The following RECK variants were observed in gnomAD, a reference collection of about 807,000 sequenced individuals.
RECK encodes reversion inducing cysteine rich protein with kazal motifs, also known as reversion-inducing cysteine-rich protein with Kazal motifs.
RECK carries 69 observed loss-of-function variants against 115.1 expected under a neutral mutation model. The ratio of observed to expected loss-of-function variants is 0.60; its 90% confidence interval spans 0.49 to 0.73. The LOEUF is 0.73. Among genes scored for constraint, RECK ranks in the 30% least tolerant of loss-of-function variants. The pLI, the probability that RECK is intolerant of heterozygous loss-of-function variation, is 0.00. For missense variants in RECK, 1,047 were observed against 1,203.7 expected, an observed-to-expected ratio of 0.87 and a Z score of 1.93; for synonymous variants, 414 against 419.7, an observed-to-expected ratio of 0.99 and a Z score of 0.17.
At chr9:36,064,096 T>C (rs1564108211) in intron 5 of RECK, among the ~76,000 whole-genome samples, 1 of 152,232 alleles carries the variant, frequency 6.6e-6, no homozygotes, top group Non-Finnish European at 1.5e-5. Flanking sequence ...TTCTTTCTTA[T>C]CATTCCTTGT....
At chr9:36,063,157 T>C (rs1246780846) in intron 4 of RECK, among the ~76,000 whole-genome samples, 2 of 152,058 alleles carry the variant, frequency 1.3e-5, no homozygotes, top group East Asian at 3.9e-4. Context: ...AGAACACTTT[T>C]TATAATTTTA....
intron 10 of RECK, among the ~76,000 whole-genome samples, chr9:36,099,906 G>T (rs1389389096): frequency 6.6e-6 from 1 of 152,128 alleles, no homozygotes; most frequent in East Asian, 1.9e-4. Flanking sequence ...ATGTTGGATG[G>T]GTTCCTTAAT....
intron 7 of RECK, among the ~76,000 whole-genome samples, chr9:36,082,567 A>T (rs568076710): frequency 1.3e-5 from 2 of 152,220 alleles, no homozygotes; most frequent in Admixed American, 6.5e-5. Flanking sequence ...TCCTTTACAG[A>T]TCCCACATCT....
In RECK at chr9:36,094,489, G is replaced by A. The variant is rs1241091787; in HGVS notation, c.1085+3146G>A. ...AGAGGTATAGCTAAGAAGCTAATAG[G>A]AAATATAAAATGGAAAACTAAAATA... On this transcript the variant is annotated intron_variant, in intron 10 of 20. Coordinates refer to ENST00000377966, the MANE Select transcript of RECK (RefSeq NM_021111.3). The surrounding 1 kb of genome is among the most constrained non-coding windows in gnomAD (Gnocchi z 4.1). Among the ~76,000 whole-genome samples, 1 of 151,910 alleles carries A rather than the reference G, an allele frequency of 6.6e-6. No homozygotes were observed. Among genetic ancestry groups the A allele is most frequent in the Non-Finnish European group, 1.5e-5 (1 of 67,938 alleles).
chr9:36,111,958 C>CA (rs534499174), intron 15 of RECK, among the ~76,000 whole-genome samples: 1,760 of 127,552 alleles, frequency 0.014, 23 homozygotes, highest in African/African-American at 0.04. Flanking sequence ...TGTCAGAATA[C>CA]AAAAAAAAAA....
Position 36,109,204 on chromosome 9 carries a change from T to C in RECK, c.1766-753T>C, listed in dbSNP as rs572473149. ...AATGCCTATTCTGTACAAAAGAGCA[T>C]ACTAGTGCCTTATGGAGCTGAAACC... On this transcript the variant is annotated intron_variant, in intron 14 of 20. Transcript: ENST00000377966. Among the ~76,000 whole-genome samples the C allele has an allele frequency of 4.6e-5, 7 of 152,266 alleles. No individual in the cohort carries two copies. The South Asian group carries it at 1.2e-3, about 27-fold the overall frequency.
At chr9:36,112,140 A>T (rs952949721) in intron 15 of RECK, among the ~76,000 whole-genome samples, 165 bp from the exon 16 acceptor site, 3 of 150,830 alleles carry the variant, frequency 2.0e-5, no homozygotes, top group African/African-American at 4.9e-5. Flanking sequence ...AAAAAAAAAA[A>T]AAAACCCTGT....
rs1199168032 is a variant in RECK, at chr9:36,091,293, T to G, written c.1035T>G (p.Pro345=). 1.9e-6 allele frequency: 3 copies of G among 1,605,672 alleles called. No homozygotes were observed. The highest frequency in any genetic ancestry group is 2.5e-6 in the Non-Finnish European group (3 of 1,176,966). Residue 345 remains proline (P), a synonymous_variant, in exon 10 of 21, where the codon CCT becomes CCG. Transcript: ENST00000377966. ...CCTGTTTAGCGGATGTCCGGGAACCTTGCCAGTTGGGCTGTAGAAACCTTA... is the reference window on the plus strand; with the variant it reads ...CCTGTTTAGCGGATGTCCGGGAACCGTGCCAGTTGGGCTGTAGAAACCTTA... The part of the protein sequence containing the change: ...MLTCLADVRE[P]CQLGCRNLTY...
chr9:36,057,847 T>C (rs1048768785), intron 2 of RECK, among the ~76,000 whole-genome samples: 1 of 151,814 alleles, frequency 6.6e-6, no homozygotes, highest in Non-Finnish European at 1.5e-5. Context: ...TAAAAGAACA[T>C]GAACAGACAC....
rs145170282 is a variant in RECK at position 36,077,917 on chromosome 9, A to G, written c.406-2688A>G. Among the ~76,000 whole-genome samples, 583 of 152,316 alleles carry G rather than the reference A, an allele frequency of 3.8e-3. 4 individuals carry two copies. Among genetic ancestry groups the G allele is most frequent in the African/African-American group, 0.014 (562 of 41,554 alleles). Reference sequence around the variant, plus strand: ...GAAGTGTGCTTAGCGTGAGGTAGCCATATAAAATATCTAAATAAGCCGGCA... The same window carrying G: ...GAAGTGTGCTTAGCGTGAGGTAGCCGTATAAAATATCTAAATAAGCCGGCA... On this transcript the variant is annotated intron_variant, in intron 6 of 20. Coordinates refer to ENST00000377966, the MANE Select transcript of RECK (RefSeq NM_021111.3).
Position 36,079,284 on chromosome 9 carries a change from A to C in RECK, c.406-1321A>C, listed in dbSNP as rs528446920. The stretch of plus-strand genomic sequence containing the variant: ...CCATTTAAATAGAGAGTTATCTATA[A>C]TGCATAACTGAAAAGTCACACTAAA... On this transcript the variant is annotated intron_variant, in intron 6 of 20. Coordinates refer to ENST00000377966, the MANE Select transcript of RECK (RefSeq NM_021111.3). Among the ~76,000 whole-genome samples the C allele has an allele frequency of 7.2e-5, 11 of 152,340 alleles. No individual in the cohort carries two copies. The South Asian group carries it at 2.1e-3, about 29-fold the overall frequency.
chr9:36,090,880 G>A (rs1478067683), intron 9 of RECK, among the ~76,000 whole-genome samples: 1 of 152,150 alleles, frequency 6.6e-6, no homozygotes, highest in African/African-American at 2.4e-5. Flanking sequence ...ATTGTGCCAG[G>A]AACTAAGGAT....
Position 36,117,090 on chromosome 9 carries a change from T to C in RECK, c.2166T>C (p.Pro722=). 1.9e-6 allele frequency: 3 copies of C among 1,614,216 alleles called. No individual in the cohort carries two copies. The South Asian group carries it at 3.3e-5, about 18-fold the overall frequency. ...TCGCGTGTGACCAGGTCCAAGATCC[T>C]GTTTGTGACACAGACCACATGGAGC... ...RQLACDQVQD[P]VCDTDHMEHN... is the part of the protein sequence containing the mutation. Residue 722 remains proline (P), a synonymous_variant, in exon 17 of 21, where the codon CCT becomes CCC. Coordinates refer to ENST00000377966, the MANE Select transcript of RECK (RefSeq NM_021111.3).
At chr9:36,062,546 C>T (rs1453251093) in intron 4 of RECK, among the ~76,000 whole-genome samples, 7 of 151,942 alleles carry the variant, frequency 4.6e-5, no homozygotes, top group African/African-American at 1.7e-4. Context: ...GGTGCAGTCT[C>T]GGCCCACTGC....
In RECK at chr9:36,052,150, T is replaced by TAAG. The variant is rs1821330208; in HGVS notation, c.101-113_101-112insGAA. On this transcript the variant is annotated intron_variant, in intron 1 of 20. Transcript: ENST00000377966. ...CAGTAAAGGTTTGTTGAGTTAAAAT[T>TAAG]AATAATAATAATAATCATCATCTAC... 4 of 626,222 alleles carry TAAG rather than the reference T, an allele frequency of 6.4e-6. No individual in the cohort carries two copies. The East Asian group carries it at 1.2e-4, about 19-fold the overall frequency. The allele number at this position is 626,222 out of a possible 1,614,324, so 38.8% of individuals were successfully genotyped here. A position where few individuals can be genotyped will look rare whatever the true frequency, so the allele number is the denominator to read the frequency against.
Position 36,106,039 on chromosome 9 carries a change from T to C in RECK, c.1576+756T>C, listed in dbSNP as rs568797208. ...CCATCCTGGCTAACATGGTGAAACC[T>C]TGTCTCTACTGAAAATACAAAATAT... On this transcript the variant is annotated intron_variant, in intron 13 of 20. Coordinates refer to ENST00000377966, the MANE Select transcript of RECK (RefSeq NM_021111.3). Among the ~76,000 whole-genome samples, 8 of 151,746 alleles carry C rather than the reference T, an allele frequency of 5.3e-5. No homozygotes were observed. In the South Asian group the frequency reaches 8.3e-4, roughly 16 times the overall value.
chr9:36,073,241 G>GACACACACACACAC lies in RECK; in HGVS notation c.406-7340_406-7327dup, dbSNP rs778489595. 9.2e-3 allele frequency among the ~76,000 whole-genome samples: 619 copies of GACACACACACACAC among 67,522 alleles called. 18 individuals are homozygous for GACACACACACACAC. The highest frequency in any genetic ancestry group is 0.026 in the African/African-American group (570 of 21,952). The allele number at this position is 67,522 out of a possible 152,430, so 44.3% of individuals were successfully genotyped here. ...ACACAGACACACACAGACACACACA[G>GACACACACACACAC]ACACACACACACACACACACACACA... is the stretch of plus-strand genomic sequence containing the variant. On this transcript the variant is annotated intron_variant, in intron 6 of 20. Coordinates refer to ENST00000377966, the MANE Select transcript of RECK (RefSeq NM_021111.3).
intron 4 of RECK, among the ~76,000 whole-genome samples, chr9:36,062,923 T>A (rs1821838564): frequency 6.6e-6 from 1 of 151,892 alleles, no homozygotes; most frequent in South Asian, 2.1e-4. Flanking sequence ...TTACCTGAGG[T>A]CAGGAGTTCA....
At chr9:36,107,118 A>G (rs1247177456) in intron 13 of RECK, among the ~76,000 whole-genome samples, 1 of 151,490 alleles carries the variant, frequency 6.6e-6, no homozygotes, top group Admixed American at 6.6e-5. Context: ...AAAAAAAAAA[A>G]AAAAAAAAGG....
Sources: allele counts gnomAD v4.1 joint callset (sites outside exome capture counted in the v4.1 genomes callset), GRCh38; gene constraint gnomAD v4.1.1; non-coding constraint Gnocchi (gnomAD v3.1); transcripts MANE v1.5; gene names NCBI Gene and HGNC (gene_info 2026-07-23, HGNC 2026-07-21).